Variants in LRRFIP2 observed in about 807,000 individuals in gnomAD.
LRRFIP2 encodes LRR binding FLII interacting protein 2.
Under a neutral mutation model 125.9 loss-of-function variants are expected in LRRFIP2, and 109 were observed. That is an observed-to-expected ratio of 0.87 (90% confidence interval 0.74 to 1.01). The LOEUF is 1.01. LRRFIP2 is among the 50% of genes least tolerant of loss of function. The probability of loss-of-function intolerance (pLI) is 0.00; values close to 1 mark genes in which losing one functional copy is unlikely to be tolerated. For missense variants in LRRFIP2, 850 were observed against 862.3 expected (o/e 0.99, Z 0.18); for synonymous variants, 291 against 293.1 (o/e 0.99, Z 0.07).
intron 3 of LRRFIP2, among the ~76,000 whole-genome samples, chr3:37,128,585 T>C (rs1559974718): frequency 6.6e-6 from 1 of 152,190 alleles, no homozygotes; most frequent in Non-Finnish European, 1.5e-5. Context: ...ATATGGATAC[T>C]GGTTTTTGTA....
intron 8 of LRRFIP2, chr3:37,111,947 C>G (rs2094559478): frequency 6.6e-6 from 1 of 152,462 alleles, no homozygotes. Context: ...CCCCGTTCAA[C>G]CCATGGGAAC....
At chr3:37,098,132 A>G (rs1319919076) in intron 15 of LRRFIP2, among the ~76,000 whole-genome samples, 2 of 152,186 alleles carry the variant, frequency 1.3e-5, no homozygotes, top group Non-Finnish European at 2.9e-5. Flanking sequence ...ATAGTATTAC[A>G]TCAGTAATAT....
intron 24 of LRRFIP2, 67 bp from the exon 25 acceptor site, chr3:37,058,977 G>C: frequency 6.3e-7 from 1 of 1,594,786 alleles, no homozygotes; most frequent in African/African-American, 1.3e-5. Context: ...CTTATTCTAT[G>C]GTCACATCAT....
intron 21 of LRRFIP2, chr3:37,068,418 T>G (rs1215202580): frequency 6.6e-6 from 1 of 152,228 alleles, no homozygotes; most frequent in Non-Finnish European, 1.5e-5. Context: ...GCACTGGGTT[T>G]TATTTTTACC....
At chr3:37,156,015 C>T (rs1014371175) in intron 1 of LRRFIP2, among the ~76,000 whole-genome samples, 3 of 152,156 alleles carry the variant, frequency 2.0e-5, no homozygotes, top group Non-Finnish European at 2.9e-5. Context: ...CCTGGTACAA[C>T]AGGCGTACAC....
At chr3:37,133,895 T>C (rs1282846449) in intron 2 of LRRFIP2, among the ~76,000 whole-genome samples, 1 of 152,232 alleles carries the variant, frequency 6.6e-6, no homozygotes, top group East Asian at 1.9e-4. Context: ...TAAATACTTT[T>C]AGAGTCTTTC....
chr3:37,058,675 CA>C (rs58404365), intron 25 of LRRFIP2, 114 bp downstream of exon 25: 55,944 of 896,074 alleles, frequency 0.062, 9 homozygotes, highest in East Asian at 0.14. Context: ...ACTCCCATCT[CA>C]AAAAAAAAAA....
intron 4 of LRRFIP2, among the ~76,000 whole-genome samples, chr3:37,124,364 C>A (rs1278801804): frequency 6.6e-6 from 1 of 152,174 alleles, no homozygotes; most frequent in South Asian, 2.1e-4. Flanking sequence ...ATACCAAAAA[C>A]GTTCAAAACA....
At chr3:37,151,365 A>G (rs2096018820) in intron 1 of LRRFIP2, among the ~76,000 whole-genome samples, 1 of 152,126 alleles carries the variant, frequency 6.6e-6, no homozygotes, top group Non-Finnish European at 1.5e-5. Context: ...TCTCAAAAAA[A>G]AAAAAGGGAA....
intron 1 of LRRFIP2, among the ~76,000 whole-genome samples, chr3:37,158,763 T>C (rs1034038157): frequency 6.6e-6 from 1 of 152,138 alleles, no homozygotes; most frequent in Non-Finnish European, 1.5e-5. Context: ...AATTTTTCAA[T>C]ATTAAAAAAA....
chr3:37,135,085 A>G, intron 2 of LRRFIP2: 1 of 1,361,628 alleles, frequency 7.3e-7, no homozygotes, highest in Non-Finnish European at 1.0e-6. Context: ...TCGGGAATGG[A>G]CTCAGAAGAA....
chr3:37,058,673 C>G (rs1575761352), intron 25 of LRRFIP2, 117 bp downstream of exon 25: 1 of 970,856 alleles, frequency 1.0e-6, no homozygotes, highest in Non-Finnish European at 1.5e-6. Context: ...AGACTCCCAT[C>G]TCAAAAAAAA....
intron 4 of LRRFIP2, among the ~76,000 whole-genome samples, chr3:37,121,936 T>C (rs563140913): frequency 1.1e-4 from 17 of 151,792 alleles, no homozygotes; most frequent in Non-Finnish European, 2.9e-5. Flanking sequence ...TTTTTAATTA[T>C]ACTTTAAGTT....
chr3:37,103,108 AT>A, intron 14 of LRRFIP2, 95 bp from the exon 15 acceptor site: 1 of 803,772 alleles, frequency 1.2e-6, no homozygotes, highest in East Asian at 2.8e-5. Flanking sequence ...GTTTTTTAAA[AT>A]TTTGATGGGT....
chr3:37,144,567 T>G (rs1385921916), intron 2 of LRRFIP2, among the ~76,000 whole-genome samples: 4 of 152,056 alleles, frequency 2.6e-5, no homozygotes, highest in Non-Finnish European at 5.9e-5. Context: ...TAGCAAGACC[T>G]CATCTCAAAA....
At chr3:37,063,906 C>T in intron 23 of LRRFIP2, 115 bp from the exon 24 acceptor site, 1 of 748,498 alleles carries the variant, frequency 1.3e-6, no homozygotes, top group Non-Finnish European at 2.4e-6. Flanking sequence ...ACATTACTTA[C>T]AGCTCTGAAT....
At chr3:37,134,641 G>C in intron 2 of LRRFIP2, 2 of 620,676 alleles carry the variant, frequency 3.2e-6, no homozygotes, top group Middle Eastern at 5.0e-4. Flanking sequence ...TGAGGAGCCA[G>C]ATGACAAGCA....
chr3:37,146,983 A>G (rs996253524), intron 2 of LRRFIP2, among the ~76,000 whole-genome samples: 3 of 152,314 alleles, frequency 2.0e-5, no homozygotes, highest in Non-Finnish European at 4.4e-5. Context: ...AAGGTCTAAT[A>G]TCCAGAATCT....
At chr3:37,058,759 G>C (rs764845269) in intron 25 of LRRFIP2, 31 bp downstream of exon 25, 2 of 1,612,148 alleles carry the variant, frequency 1.2e-6, no homozygotes, top group Non-Finnish European at 1.7e-6. Flanking sequence ...TCTATATACA[G>C]ACTGGGACTG....
Sources: allele counts gnomAD v4.1 joint callset (sites outside exome capture counted in the v4.1 genomes callset), GRCh38; gene constraint gnomAD v4.1.1; transcripts MANE v1.5; gene names NCBI Gene and HGNC (gene_info 2026-07-23, HGNC 2026-07-21).